SEMA6D: variants seen among roughly 807,000 people sequenced by gnomAD.
SEMA6D encodes semaphorin-6D.
In SEMA6D, 35 loss-of-function variants were observed where a neutral mutation model predicts 106.6. That is an observed-to-expected ratio of 0.33 (90% CI 0.25 to 0.44). The LOEUF (loss-of-function observed/expected upper bound fraction) is 0.44. SEMA6D is among the 20% of genes least tolerant of loss of function. The pLI is 1.00. For synonymous variants in SEMA6D, 499 were observed against 487.7 expected, an observed-to-expected ratio of 1.02 and a Z score of -0.31; for missense variants, 1,185 against 1,345.9, an observed-to-expected ratio of 0.88 and a Z score of 1.87.
chr15:47,763,146 A>C (rs376460824), intron 9 of SEMA6D, 42 bp downstream of exon 9: 3 of 1,467,954 alleles, frequency 2.0e-6, no homozygotes, highest in Admixed American at 3.6e-5. Flanking sequence ...CTTGTACTGC[A>C]TGAAATTGAG....
chr15:47,392,654 T>G (rs1442151127), intron 1 of SEMA6D, among the ~76,000 whole-genome samples: 1 of 152,176 alleles, frequency 6.6e-6, no homozygotes, highest in Non-Finnish European at 1.5e-5. Flanking sequence ...CTGTGAAATT[T>G]CTGGGCTAAA....
At chr15:47,757,510 A>G (rs1476291072) in intron 1 of SEMA6D, among the ~76,000 whole-genome samples, 1 of 152,224 alleles carries the variant, frequency 6.6e-6, no homozygotes, top group Non-Finnish European at 1.5e-5. Flanking sequence ...GAAGAGGTAA[A>G]CACGAAACCA....
At chr15:47,324,720 A>G (rs537045065) in intron 1 of SEMA6D, among the ~76,000 whole-genome samples, 1 of 150,876 alleles carries the variant, frequency 6.6e-6, no homozygotes, top group African/African-American at 2.4e-5. Context: ...TATACTTTAT[A>G]TATATGCATA....
At chr15:47,484,218 T>C (rs2043230755) in intron 3 of SEMA6D, among the ~76,000 whole-genome samples, 1 of 152,144 alleles carries the variant, frequency 6.6e-6, no homozygotes, top group Admixed American at 6.6e-5. Flanking sequence ...TTCAGTCTCT[T>C]TTTGGCAGTA....
intron 1 of SEMA6D, among the ~76,000 whole-genome samples, chr15:47,746,422 T>C (rs1332694139): frequency 1.3e-5 from 2 of 152,242 alleles, no homozygotes; most frequent in African/African-American, 2.4e-5. Flanking sequence ...TCAATTTATC[T>C]GCTTGACCTT....
At chr15:47,211,161 C>T (rs547150178) in intron 1 of SEMA6D, among the ~76,000 whole-genome samples, 1 of 152,126 alleles carries the variant, frequency 6.6e-6, no homozygotes, top group South Asian at 2.1e-4. Context: ...TCTATCTATA[C>T]TCTCTCTCTA....
chr15:47,201,107 A>G (rs1364131012), intron 1 of SEMA6D, among the ~76,000 whole-genome samples: 1 of 152,172 alleles, frequency 6.6e-6, no homozygotes, highest in Non-Finnish European at 1.5e-5. Flanking sequence ...TGTGTTTTAT[A>G]TTTTGGAATA....
chr15:47,239,516 A>G (rs1387433217), intron 1 of SEMA6D, among the ~76,000 whole-genome samples: 1 of 152,150 alleles, frequency 6.6e-6, no homozygotes, highest in Non-Finnish European at 1.5e-5. Flanking sequence ...TACTTCCCAA[A>G]TGCTTCCCAT....
chr15:47,576,350 G>A (rs1410966134), intron 3 of SEMA6D, among the ~76,000 whole-genome samples: 3 of 152,318 alleles, frequency 2.0e-5, no homozygotes, highest in Admixed American at 2.0e-4. Flanking sequence ...ACTTGGGAGT[G>A]GGGGCTAGAG....
Position 47,628,126 on chromosome 15 carries a change from A to C in SEMA6D, c.-55+27230A>C, listed in dbSNP as rs1162912108. ...GGATATGATATACCATGGATTGTTT[A>C]ACCATTCACCCACTGAAAGACATCT... On this transcript the variant is annotated intron_variant, in intron 4 of 19. Transcript: ENST00000558014. Among the ~76,000 whole-genome samples the C allele has an allele frequency of 3.9e-5, 6 of 152,050 alleles. No individual in the cohort carries two copies. The South Asian group carries it at 8.3e-4, about 21-fold the overall frequency.
chr15:47,484,272 C>T (rs2043232061), intron 3 of SEMA6D, among the ~76,000 whole-genome samples: 2 of 152,130 alleles, frequency 1.3e-5, no homozygotes, highest in South Asian at 2.1e-4. Context: ...CATTCTCCAT[C>T]GTGCAGTACT....
At chr15:47,691,848 G>GT (rs886835749) in intron 4 of SEMA6D, among the ~76,000 whole-genome samples, 74 of 86,584 alleles carry the variant, frequency 8.5e-4, no homozygotes, top group African/African-American at 2.8e-3. Flanking sequence ...AGAAAAGACA[G>GT]TAAAAAAAAA....
chr15:47,185,744 C>T (rs189900223), intron 1 of SEMA6D: 1 of 152,238 alleles, frequency 6.6e-6, no homozygotes, highest in Admixed American at 6.5e-5. Context: ...TCCCAAAAGA[C>T]TTCTGCATAC....
chr15:47,384,874 T>A, intron 1 of SEMA6D, among the ~76,000 whole-genome samples: 1 of 138,324 alleles, frequency 7.2e-6, no homozygotes, highest in Non-Finnish European at 1.5e-5. Flanking sequence ...TTTCCTCTAG[T>A]CCTGGCAGAT....
chr15:47,225,868 T>C (rs1217471400), intron 1 of SEMA6D, among the ~76,000 whole-genome samples: 1 of 152,108 alleles, frequency 6.6e-6, no homozygotes. Flanking sequence ...CTGTTTGGTA[T>C]AACAGTACTT....
intron 1 of SEMA6D, among the ~76,000 whole-genome samples, chr15:47,228,968 C>T (rs147984903): frequency 1.3e-5 from 2 of 151,962 alleles, no homozygotes; most frequent in Non-Finnish European, 2.9e-5. Flanking sequence ...ATGATTTATT[C>T]AATTAATCAC....
In SEMA6D at chr15:47,590,381, G is replaced by C. The variant is rs189402019; in HGVS notation, c.-86-10484G>C. ...AACATCACACACCAGGGCCTGTCAG[G>C]GGGTGGGGGGCTGGGGGAAGGATAG... On this transcript the variant is annotated intron_variant, in intron 3 of 19. Coordinates refer to the SEMA6D transcript ENST00000558014. Among the ~76,000 whole-genome samples the C allele has an allele frequency of 3.7e-3, 567 of 151,482 alleles. 1 individual carries two copies. Among genetic ancestry groups the C allele is most frequent in the African/African-American group, 0.013 (539 of 40,992 alleles).
intron 1 of SEMA6D, among the ~76,000 whole-genome samples, chr15:47,246,630 C>G (rs113958367): frequency 1.1e-4 from 17 of 152,296 alleles, no homozygotes; most frequent in African/African-American, 4.1e-4. Flanking sequence ...TCCTCTGACC[C>G]TTCTCCCATC....
chr15:47,533,942 T>A (rs559312270), intron 3 of SEMA6D, among the ~76,000 whole-genome samples: 1 of 152,202 alleles, frequency 6.6e-6, no homozygotes, highest in African/African-American at 2.4e-5. Context: ...ATGTAAGTGC[T>A]TTTTAAAAGT....
Sources: allele counts gnomAD v4.1 joint callset (sites outside exome capture counted in the v4.1 genomes callset), GRCh38; gene constraint gnomAD v4.1.1; transcripts MANE v1.5; gene names NCBI Gene and HGNC (gene_info 2026-07-23, HGNC 2026-07-21).